The following MAN1A1 variants were observed in gnomAD, a reference collection of about 807,000 sequenced individuals.
The protein encoded by MAN1A1 is mannosidase alpha class 1A member 1, also known as mannosyl-oligosaccharide 1,2-alpha-mannosidase IA.
A neutral mutation model predicts 70.8 loss-of-function variants in MAN1A1; 29 were observed. The ratio of observed to expected loss-of-function variants is 0.41; its 90% CI spans 0.31 to 0.56. MAN1A1 has a LOEUF of 0.56. Among genes scored for constraint, MAN1A1 ranks in the 20% least tolerant of loss-of-function variants. The pLI, the probability that MAN1A1 is intolerant of heterozygous loss-of-function variation, is 0.29. For missense variants in MAN1A1, 747 were observed against 841.3 expected, an observed-to-expected ratio of 0.89 and a Z score of 1.39; for synonymous variants, 349 against 330.1, an observed-to-expected ratio of 1.06 and a Z score of -0.62.
chr6:119,313,541 A>G (rs1051359017), intron 2 of MAN1A1, among the ~76,000 whole-genome samples: 1 of 152,146 alleles, frequency 6.6e-6, no homozygotes, highest in Non-Finnish European at 1.5e-5. Flanking sequence ...TCTTTACCCC[A>G]ATGTTACAAT....
At chr6:119,213,032 C>A (rs1353590936) in intron 6 of MAN1A1, among the ~76,000 whole-genome samples, 1 of 152,068 alleles carries the variant, frequency 6.6e-6, no homozygotes, top group Non-Finnish European at 1.5e-5. Flanking sequence ...CAGATGATGT[C>A]TAGGTAATCA....
chr6:119,327,801 C>T (rs916920722), intron 2 of MAN1A1, among the ~76,000 whole-genome samples: 3 of 151,782 alleles, frequency 2.0e-5, no homozygotes, highest in African/African-American at 4.8e-5. Flanking sequence ...ATGTGTACAC[C>T]ATAAATATAT....
chr6:119,181,686 G>C (rs1773157701), intron 11 of MAN1A1, among the ~76,000 whole-genome samples: 1 of 152,008 alleles, frequency 6.6e-6, no homozygotes, highest in South Asian at 2.1e-4. Flanking sequence ...TTCCCTTTCA[G>C]AGCCCACTTT....
chr6:119,193,470 T>A (rs1773492800), intron 9 of MAN1A1, among the ~76,000 whole-genome samples: 1 of 152,156 alleles, frequency 6.6e-6, no homozygotes, highest in Non-Finnish European at 1.5e-5. Context: ...AATTCAGGAT[T>A]TCCCCCTGCA....
upstream of MAN1A1, chr6:119,349,884 G>T (rs552397889): frequency 3.1e-5 from 13 of 423,050 alleles, no homozygotes; most frequent in South Asian, 9.9e-5. Context: ...GAGGCGAGGA[G>T]GGGGATGCGC....
At chr6:119,345,062 GC>G (rs1293559004) in intron 2 of MAN1A1, among the ~76,000 whole-genome samples, 1 of 151,626 alleles carries the variant, frequency 6.6e-6, no homozygotes, top group Non-Finnish European at 1.5e-5. Flanking sequence ...ACTGTCTTTA[GC>G]CCCAGCCCCT....
rs905798808 is a variant in MAN1A1, at chr6:119,349,732, G to T, written c.-413C>A. On this transcript the variant is annotated 5_prime_UTR_variant, in exon 1 of 13. Transcript: ENST00000368468. ...CGAATGGCAGCGAGTAGAGCAGCAC[G>T]GTACACTCCGCCGCGGCCCCGCGAG... The T allele has an allele frequency of 6.9e-5, 68 of 985,628 alleles. No homozygotes were observed. The highest frequency in any genetic ancestry group is 1.4e-5 in the Non-Finnish European group (12 of 829,976). 61.1% of individuals were successfully genotyped at this position (985,628 alleles called of 1,614,324 possible).
At chr6:119,281,672 G>A (rs1208746511) in intron 5 of MAN1A1, among the ~76,000 whole-genome samples, 4 of 152,122 alleles carry the variant, frequency 2.6e-5, no homozygotes, top group African/African-American at 9.7e-5. Flanking sequence ...TGATAACACA[G>A]GTCTATTTCT....
chr6:119,342,211 T>A (rs1309137258), intron 2 of MAN1A1, among the ~76,000 whole-genome samples: 1 of 152,074 alleles, frequency 6.6e-6, no homozygotes, highest in African/African-American at 2.4e-5. Context: ...AAATTATAGG[T>A]ATGGAAGATC....
At chr6:119,335,913 T>G (rs992362891) in intron 2 of MAN1A1, among the ~76,000 whole-genome samples, 1 of 152,198 alleles carries the variant, frequency 6.6e-6, no homozygotes, top group African/African-American at 2.4e-5. Context: ...AGCTAAACAT[T>G]TGTGACTTCA....
chr6:119,229,613 T>C (rs1420422391), intron 6 of MAN1A1, among the ~76,000 whole-genome samples: 12 of 152,356 alleles, frequency 7.9e-5, no homozygotes, highest in African/African-American at 2.6e-4. Context: ...CATCCACTTA[T>C]GTCCTCTGAG....
At chr6:119,197,260 C>CCACT (rs543149175) in intron 8 of MAN1A1, among the ~76,000 whole-genome samples, 6,610 of 151,240 alleles carry the variant, frequency 0.044, 197 homozygotes, top group East Asian at 0.082. Context: ...TGAGACTGCA[C>CCACT]CACTGCACAC....
chr6:119,241,150 A>T (rs1774993170), intron 6 of MAN1A1, among the ~76,000 whole-genome samples: 1 of 152,206 alleles, frequency 6.6e-6, no homozygotes. Context: ...GTCTCACTGG[A>T]TTAAAAAAAA....
intron 2 of MAN1A1, among the ~76,000 whole-genome samples, chr6:119,317,424 G>A (rs995322063): frequency 6.6e-6 from 1 of 152,058 alleles, no homozygotes; most frequent in Non-Finnish European, 1.5e-5. Context: ...GTAATTTACT[G>A]TCTGCATAGT....
chr6:119,211,365 T>G (rs1376905068), intron 6 of MAN1A1, among the ~76,000 whole-genome samples: 2 of 152,246 alleles, frequency 1.3e-5, no homozygotes, highest in African/African-American at 2.4e-5. Flanking sequence ...CAGTATTACT[T>G]GCTTCTCCTA....
At chr6:119,327,593 T>C (rs563938638) in intron 2 of MAN1A1, among the ~76,000 whole-genome samples, 20 of 152,116 alleles carry the variant, frequency 1.3e-4, no homozygotes, top group Non-Finnish European at 2.5e-4. Flanking sequence ...TTTCACCATG[T>C]TGGCCAGGCT....
chr6:119,231,409 G>T (rs1348765839), intron 6 of MAN1A1, among the ~76,000 whole-genome samples: 1 of 152,116 alleles, frequency 6.6e-6, no homozygotes, highest in African/African-American at 2.4e-5. Flanking sequence ...CTTCTCCTTT[G>T]CCTTCCACCA....
intron 6 of MAN1A1, among the ~76,000 whole-genome samples, chr6:119,246,482 A>G (rs1195437306): frequency 6.6e-6 from 1 of 152,142 alleles, no homozygotes; most frequent in African/African-American, 2.4e-5. Context: ...TACTGAGTTC[A>G]CCTACCTTCC....
intron 5 of MAN1A1, among the ~76,000 whole-genome samples, chr6:119,260,106 T>C (rs372444499): frequency 1.3e-5 from 2 of 152,216 alleles, no homozygotes; most frequent in Admixed American, 6.5e-5. Flanking sequence ...ACATTTTCTA[T>C]AGAGGGTTAG....
Sources: allele counts gnomAD v4.1 joint callset (sites outside exome capture counted in the v4.1 genomes callset), GRCh38; gene constraint gnomAD v4.1.1; transcripts MANE v1.5; gene names NCBI Gene and HGNC (gene_info 2026-07-23, HGNC 2026-07-21).